Variants in MME observed in about 807,000 individuals in gnomAD.
MME encodes the protein neprilysin.
In MME, 98 loss-of-function variants were observed where a neutral mutation model predicts 113.2. The ratio of observed to expected loss-of-function variants is 0.87; its 90% CI spans 0.74 to 1.02. MME has a LOEUF of 1.02. Ranked by LOEUF, MME falls within the 50% of genes least tolerant of loss-of-function variation. MME has a pLI of 0.00. For missense variants in MME, 836 were observed against 896.0 expected, an observed-to-expected ratio of 0.93 and a Z score of 0.86; for synonymous variants, 292 against 300.6, an observed-to-expected ratio of 0.97 and a Z score of 0.30.
At chr3:155,145,542 C>T (rs1721436483) in intron 14 of MME, among the ~76,000 whole-genome samples, 1 of 152,032 alleles carries the variant, frequency 6.6e-6, no homozygotes, top group South Asian at 2.1e-4. Flanking sequence ...AGCATTATAT[C>T]CTCAGCCCTT....
At chr3:155,092,973 A>G (rs751588261) in intron 3 of MME, among the ~76,000 whole-genome samples, 1 of 152,008 alleles carries the variant, frequency 6.6e-6, no homozygotes, top group Non-Finnish European at 1.5e-5. Flanking sequence ...GATTGTGGTG[A>G]TGGTTGCACA....
chr3:155,077,445 A>G (rs1255220457), upstream of MME, among the ~76,000 whole-genome samples: 2 of 152,178 alleles, frequency 1.3e-5, no homozygotes, highest in African/African-American at 4.8e-5. Flanking sequence ...TACTTACTGT[A>G]AATAGTTGGG....
chr3:155,180,717 GT>G lies in MME; in HGVS notation c.*261del. ...CTTAATTTCTAAAGATAATATTACT[GT>G]TTATTTCTGTTTCTCATATGGTCTA... is the stretch of plus-strand genomic sequence containing the variant. On this transcript the variant is annotated 3_prime_UTR_variant, in exon 23 of 23. Transcript: ENST00000360490. 2.4e-6 allele frequency: 1 copy of G among 421,522 alleles called. No individual in the cohort carries two copies. Among genetic ancestry groups the G allele is most frequent in the Non-Finnish European group, 4.4e-6 (1 of 225,084 alleles). The allele number at this position is 421,522 out of a possible 1,614,324, so 26.1% of individuals were successfully genotyped here.
intron 15 of MME, among the ~76,000 whole-genome samples, chr3:155,147,850 A>C (rs1721640372): frequency 6.6e-6 from 1 of 152,160 alleles, no homozygotes; most frequent in Non-Finnish European, 1.5e-5. Flanking sequence ...GTGATTCCTC[A>C]TTCATTGATT....
At chr3:155,168,898 C>A in intron 20 of MME, 101 bp downstream of exon 20, 2 of 985,320 alleles carry the variant, frequency 2.0e-6, no homozygotes, top group Non-Finnish European at 3.1e-6. Context: ...CTCATATAAG[C>A]AGTAAATGAT....
intron 1 of MME, chr3:155,024,348 T>C (rs532714493): frequency 6.6e-6 from 1 of 152,350 alleles, no homozygotes; most frequent in African/African-American, 2.4e-5. Flanking sequence ...TTTCATTTTT[T>C]AAATTTATTA....
chr3:155,083,817 T>C (rs1715396613), intron 1 of MME: 1 of 281,426 alleles, frequency 3.6e-6, no homozygotes, highest in African/African-American at 2.2e-5. Flanking sequence ...TTCTTAATGA[T>C]GGTACAGCAA....
intron 1 of MME, among the ~76,000 whole-genome samples, chr3:155,072,577 G>A (rs1714617945): frequency 6.6e-6 from 1 of 152,138 alleles, no homozygotes; most frequent in Admixed American, 6.5e-5. Context: ...TTGTTTGGTT[G>A]GTTGGTTTGT....
At position 155,055,557 on chromosome 3, in the gene MME, G is replaced by A. The variant is rs530958396; in HGVS notation, c.-10-28601G>A. On this transcript the variant is annotated intron_variant, in intron 1 of 22. Coordinates refer to the MME transcript ENST00000492661. ...GATTGCAGTGAGTCCAGATCATGTC[G>A]TTGCACTCCAGCCTGGAGGACAGAG... Among the ~76,000 whole-genome samples, 22 of 151,302 alleles carry A rather than the reference G, an allele frequency of 1.5e-4. 1 individual carries two copies. Among genetic ancestry groups the A allele is most frequent in the South Asian group, 1.3e-3 (6 of 4,786 alleles).
At chr3:155,124,403 CCTT>C (rs1374973413) in intron 8 of MME, among the ~76,000 whole-genome samples, 2 of 151,812 alleles carry the variant, frequency 1.3e-5, no homozygotes, top group East Asian at 1.9e-4. Context: ...TCGTCTGAAG[CCTT>C]CTTCTCTCAG....
chr3:155,074,355 T>C (rs1714674829), intron 1 of MME, among the ~76,000 whole-genome samples: 1 of 152,130 alleles, frequency 6.6e-6, no homozygotes, highest in Non-Finnish European at 1.5e-5. Context: ...TTTTATTGCA[T>C]TCAGTTATAG....
intron 14 of MME, among the ~76,000 whole-genome samples, chr3:155,145,471 A>T (rs1721430517): frequency 6.6e-6 from 1 of 152,096 alleles, no homozygotes; most frequent in South Asian, 2.1e-4. Flanking sequence ...TTCACTGCTT[A>T]TCATTGCTGT....
At chr3:155,132,362 A>T (rs1720209337) in intron 8 of MME, among the ~76,000 whole-genome samples, 1 of 152,206 alleles carries the variant, frequency 6.6e-6, no homozygotes, top group Non-Finnish European at 1.5e-5. Context: ...TGCAAAATGA[A>T]GATAGTCCTA....
chr3:155,153,130 G>A (rs566078282), intron 16 of MME, among the ~76,000 whole-genome samples: 1 of 151,574 alleles, frequency 6.6e-6, no homozygotes, highest in East Asian at 2.0e-4. Context: ...AGGTTCAAGC[G>A]ATTCTCCTGC....
chr3:155,156,669 A>G (rs1285747970), intron 16 of MME, among the ~76,000 whole-genome samples: 1 of 152,158 alleles, frequency 6.6e-6, no homozygotes, highest in Non-Finnish European at 1.5e-5. Context: ...GAGAATATTG[A>G]TAATTGTAAA....
intron 1 of MME, among the ~76,000 whole-genome samples, chr3:155,033,190 T>C (rs1412747624): frequency 6.6e-6 from 1 of 152,186 alleles, no homozygotes; most frequent in Admixed American, 6.5e-5. Context: ...GAAGCAGAAT[T>C]GCAAACATGC....
chr3:155,042,450 CAGGGAG>C (rs1713355985), intron 1 of MME, among the ~76,000 whole-genome samples: 2 of 152,056 alleles, frequency 1.3e-5, no homozygotes, highest in Non-Finnish European at 2.9e-5. Context: ...ATAGATCCAT[CAGGGAG>C]TAGAAGAAAG....
At chr3:155,092,332 A>G (rs562511204) in intron 3 of MME, among the ~76,000 whole-genome samples, 29 of 152,356 alleles carry the variant, frequency 1.9e-4, no homozygotes, top group African/African-American at 5.0e-4. Context: ...GATAGTTCCA[A>G]CTGTGAGTGA....
At chr3:155,174,708 A>AT (rs1712352761) in intron 22 of MME, among the ~76,000 whole-genome samples, 1 of 152,100 alleles carries the variant, frequency 6.6e-6, no homozygotes, top group South Asian at 2.1e-4. Context: ...TCATAAAACC[A>AT]TATTTGCTAT....
Sources: gnomAD v4.1 joint callset for allele counts (sites outside exome capture counted in the v4.1 genomes callset) on GRCh38, gnomAD v4.1.1 for gene constraint, MANE v1.5 for transcripts, NCBI Gene and HGNC (gene_info 2026-07-23, HGNC 2026-07-21) for gene names.